The following CSMD1 variants were observed in gnomAD, a reference collection of about 807,000 sequenced individuals.
CSMD1 encodes the protein CUB and sushi domain-containing protein 1.
A neutral mutation model predicts 417.5 loss-of-function variants in CSMD1; 213 were observed. The ratio of observed to expected loss-of-function variants is 0.51; its 90% CI spans 0.46 to 0.57. CSMD1 has a LOEUF of 0.57. CSMD1 is among the 20% of genes least tolerant of loss of function. The pLI is 0.00. For missense variants in CSMD1, 6,923 were observed against 4,529.7 expected (o/e 1.53, Z -15.17); for synonymous variants, 2,862 against 1,736.8 (o/e 1.65, Z -16.11).
intron 33 of CSMD1, among the ~76,000 whole-genome samples, chr8:3,191,070 G>T (rs942686962): frequency 6.6e-6 from 1 of 152,166 alleles, no homozygotes; most frequent in Non-Finnish European, 1.5e-5. Context: ...TTATAGTTAA[G>T]AGGGTAGATT....
rs1211336086 is a variant in CSMD1, at chr8:3,199,714, C to T, written c.5194G>A (p.Ala1732Thr). The change falls in exon 33 of 70, where the codon GCT becomes ACT. Residue 1732 changes from alanine to threonine, a missense_variant and splice_region_variant. Ala to Thr is a moderately conservative substitution (Grantham distance 58). Coordinates refer to ENST00000635120, the MANE Select transcript of CSMD1 (RefSeq NM_033225.6). Reference protein sequence around the residue: ...SARGFHFVYQAVPRTSDTQCS... With the variant: ...SARGFHFVYQTVPRTSDTQCS... ...TGGAGACATGTGGAGTGACGCTTAC[C>T]TTGATACACGAAGTGGAAGCCGCGG... The T allele has an allele frequency of 6.3e-7, 1 of 1,579,158 alleles. No individual in the cohort carries two copies. Among genetic ancestry groups the T allele is most frequent in the East Asian group, 2.3e-5 (1 of 43,346 alleles).
At chr8:3,406,956 C>A (rs1812379163) in intron 14 of CSMD1, among the ~76,000 whole-genome samples, 1 of 152,120 alleles carries the variant, frequency 6.6e-6, no homozygotes, top group Non-Finnish European at 1.5e-5. Context: ...TTTTACTACA[C>A]TACTTTGTTG....
intron 3 of CSMD1, among the ~76,000 whole-genome samples, chr8:4,037,265 C>G (rs921100104): frequency 5.9e-5 from 9 of 152,078 alleles, no homozygotes; most frequent in African/African-American, 2.2e-4. Context: ...TTGTTTATAT[C>G]AATTAACCTG....
chr8:4,390,489 G>T lies in CSMD1; in HGVS notation c.415+29464C>A, dbSNP rs372178627. On this transcript the variant is annotated intron_variant, in intron 3 of 69. Coordinates refer to ENST00000635120, the MANE Select transcript of CSMD1 (RefSeq NM_033225.6). Reference sequence around the variant, plus strand: ...GTTAAGAAAACTGTTACCCACAGAAGCGTCCATTTTTATTTATTTATTTAT... The same window carrying T: ...GTTAAGAAAACTGTTACCCACAGAATCGTCCATTTTTATTTATTTATTTAT... 4.2e-3 allele frequency among the ~76,000 whole-genome samples: 195 copies of T among 46,100 alleles called. 1 individual carries two copies. Among genetic ancestry groups the T allele is most frequent in the African/African-American group, 0.024 (184 of 7,782 alleles). 30.2% of individuals were successfully genotyped at this position (46,100 alleles called of 152,430 possible).
At chr8:3,672,923 G>C (rs1481709) in intron 7 of CSMD1, among the ~76,000 whole-genome samples, 69,214 of 151,992 alleles carry the variant, frequency 0.46, 16,206 homozygotes, top group Admixed American at 0.56. Context: ...CCTTTTCCAA[G>C]CTCTTCACCC....
intron 37 of CSMD1, among the ~76,000 whole-genome samples, chr8:3,165,713 G>GT (rs1454689013): frequency 6.6e-6 from 1 of 152,102 alleles, no homozygotes; most frequent in Non-Finnish European, 1.5e-5. Context: ...GAGAACGGTG[G>GT]TTTTTTGTTG....
intron 3 of CSMD1, among the ~76,000 whole-genome samples, chr8:4,052,310 T>G (rs780449341): frequency 1.6e-4 from 24 of 152,158 alleles, no homozygotes; most frequent in Non-Finnish European, 2.9e-4. Flanking sequence ...ACGCTGACAT[T>G]TAATGCGTAA....
rs571784157 is a variant in CSMD1, at chr8:4,433,586, G to T, written c.303-13521C>A. 6.0e-4 allele frequency among the ~76,000 whole-genome samples: 91 copies of T among 152,206 alleles called. No homozygotes were observed. In the South Asian group the frequency reaches 6.2e-3, roughly 10 times the overall value. Reference sequence around the variant, plus strand: ...GTGCTGCAACAGAGAGATGAAAAGCGCCCTTAAAATGGGAAACGACAAATT... The same window carrying T: ...GTGCTGCAACAGAGAGATGAAAAGCTCCCTTAAAATGGGAAACGACAAATT... On this transcript the variant is annotated intron_variant, in intron 2 of 69. Coordinates refer to ENST00000635120, the MANE Select transcript of CSMD1 (RefSeq NM_033225.6).
intron 1 of CSMD1, among the ~76,000 whole-genome samples, chr8:4,920,903 A>G (rs1374408844): frequency 3.6e-5 from 2 of 56,228 alleles, no homozygotes; most frequent in Non-Finnish European, 9.8e-5. Context: ...AAAGAAAAGA[A>G]AAGAAAAGAA....
intron 10 of CSMD1, among the ~76,000 whole-genome samples, chr8:3,515,105 A>C (rs898529071): frequency 1.3e-5 from 2 of 152,246 alleles, no homozygotes; most frequent in Admixed American, 6.5e-5. Context: ...ACATTTAAAA[A>C]ATCAGTCATT....
intron 1 of CSMD1, among the ~76,000 whole-genome samples, chr8:4,731,514 C>G (rs781507227): frequency 3.9e-5 from 6 of 152,280 alleles, no homozygotes; most frequent in Non-Finnish European, 8.8e-5. Flanking sequence ...GATGTCATAA[C>G]TTTCCATTTA....
intron 1 of CSMD1, among the ~76,000 whole-genome samples, chr8:4,767,579 G>C (rs539373848): frequency 1.3e-5 from 2 of 151,904 alleles, no homozygotes; most frequent in Non-Finnish European, 2.9e-5. Context: ...CTCCCTTTCC[G>C]CATTCATCAA....
At chr8:4,579,403 G>A (rs1416863799) in intron 2 of CSMD1, among the ~76,000 whole-genome samples, 3 of 151,830 alleles carry the variant, frequency 2.0e-5, no homozygotes, top group Non-Finnish European at 4.4e-5. Context: ...TCATCCTCCA[G>A]GCTGGTGTAC....
intron 3 of CSMD1, among the ~76,000 whole-genome samples, chr8:4,213,703 T>G (rs1013762123): frequency 6.6e-6 from 1 of 152,212 alleles, no homozygotes; most frequent in Non-Finnish European, 1.5e-5. Flanking sequence ...TGGGAAGCCG[T>G]GGGCTCCTGT....
At chr8:4,202,714 G>A (rs1025134283) in intron 3 of CSMD1, among the ~76,000 whole-genome samples, 2 of 152,068 alleles carry the variant, frequency 1.3e-5, no homozygotes, top group Non-Finnish European at 2.9e-5. Flanking sequence ...AATCAAACAA[G>A]TACTCAAATA....
chr8:4,419,342 T>C (rs1341351154), intron 3 of CSMD1, among the ~76,000 whole-genome samples: 2 of 152,192 alleles, frequency 1.3e-5, no homozygotes, highest in Non-Finnish European at 2.9e-5. Flanking sequence ...ATACTTGAAA[T>C]GATAATTTCC....
chr8:4,325,457 G>C (rs1255709255), intron 3 of CSMD1, among the ~76,000 whole-genome samples: 2 of 152,144 alleles, frequency 1.3e-5, no homozygotes, highest in Non-Finnish European at 2.9e-5. Flanking sequence ...CTTCATGTAA[G>C]AATCGTCTAC....
chr8:3,672,231 A>G (rs936059831), intron 7 of CSMD1, among the ~76,000 whole-genome samples: 2 of 152,296 alleles, frequency 1.3e-5, no homozygotes, highest in East Asian at 1.9e-4. Context: ...TTATTTGCTC[A>G]TAAGATTTTT....
intron 1 of CSMD1, among the ~76,000 whole-genome samples, chr8:4,643,452 G>A (rs1354168047): frequency 2.0e-5 from 3 of 151,904 alleles, no homozygotes; most frequent in African/African-American, 4.8e-5. Flanking sequence ...TGGCTTTTCT[G>A]GAACACTAAA....
Sources: gnomAD v4.1 joint callset for allele counts (sites outside exome capture counted in the v4.1 genomes callset) on GRCh38, gnomAD v4.1.1 for gene constraint, MANE v1.5 for transcripts, NCBI Gene and HGNC (gene_info 2026-07-23, HGNC 2026-07-21) for gene names.